KCNAB1: variants seen among roughly 807,000 people sequenced by gnomAD.
The protein encoded by KCNAB1 is potassium voltage-gated channel subfamily A regulatory beta subunit 1, also known as voltage-gated potassium channel subunit beta-1.
KCNAB1 carries 35 observed loss-of-function variants against 64.6 expected under a neutral mutation model. The ratio of observed to expected loss-of-function variants is 0.54; its 90% CI spans 0.41 to 0.72. The LOEUF (loss-of-function observed/expected upper bound fraction) is 0.72. Among genes scored for constraint, KCNAB1 ranks in the 30% least tolerant of loss-of-function variants. The pLI, the probability that KCNAB1 is intolerant of heterozygous loss-of-function variation, is 0.00. For missense variants in KCNAB1, 401 were observed against 512.9 expected, an observed-to-expected ratio of 0.78 and a Z score of 2.11; for synonymous variants, 177 against 183.8, an observed-to-expected ratio of 0.96 and a Z score of 0.30.
At chr3:156,403,715 A>G (rs1714056318) in intron 1 of KCNAB1, among the ~76,000 whole-genome samples, 1 of 152,136 alleles carries the variant, frequency 6.6e-6, no homozygotes, top group Admixed American at 6.5e-5. Flanking sequence ...CAACATGGTG[A>G]AACCCGGTCT....
chr3:156,364,738 G>A (rs144331677), intron 1 of KCNAB1, among the ~76,000 whole-genome samples: 2,805 of 151,986 alleles, frequency 0.018, 96 homozygotes, highest in African/African-American at 0.064. Flanking sequence ...AGATGGCACC[G>A]TTGCACTCCA....
intron 1 of KCNAB1, among the ~76,000 whole-genome samples, chr3:156,338,807 C>T (rs1723908491): frequency 6.6e-6 from 1 of 152,168 alleles, no homozygotes; most frequent in South Asian, 2.1e-4. Context: ...CCTCCTTGCT[C>T]ATCTCAGTGA....
At chr3:156,180,658 T>C (rs1712743634) in intron 1 of KCNAB1, among the ~76,000 whole-genome samples, 1 of 152,206 alleles carries the variant, frequency 6.6e-6, no homozygotes, top group Non-Finnish European at 1.5e-5. Context: ...ACCTACCACA[T>C]GCAAGGCTCT....
Position 156,205,668 on chromosome 3 carries a change from G to C in KCNAB1, c.275+84782G>C, listed in dbSNP as rs149882520. Among the ~76,000 whole-genome samples the C allele has an allele frequency of 9.0e-3, 1,372 of 152,244 alleles. 33 individuals carry two copies. The highest frequency in any genetic ancestry group is 0.031 in the African/African-American group (1,271 of 41,530). On this transcript the variant is annotated intron_variant, in intron 1 of 13. Transcript: ENST00000490337. ...CTACCCGCTCCTTCCTCTGCACTGAGACATAATCTCTTGCCCCCAAATTCA... is the reference window on the plus strand; with the variant it reads ...CTACCCGCTCCTTCCTCTGCACTGACACATAATCTCTTGCCCCCAAATTCA...
chr3:156,415,883 A>G (rs533009623), intron 1 of KCNAB1, among the ~76,000 whole-genome samples: 5 of 152,098 alleles, frequency 3.3e-5, no homozygotes, highest in Non-Finnish European at 7.4e-5. Context: ...TTAACCTTGG[A>G]TGTCTCATGG....
intron 4 of KCNAB1, among the ~76,000 whole-genome samples, chr3:156,458,769 G>A (rs535323619): frequency 1.2e-4 from 19 of 152,306 alleles, no homozygotes; most frequent in Non-Finnish European, 2.8e-4. Flanking sequence ...GAAGTAAGTA[G>A]CAAGTCTGTT....
intron 1 of KCNAB1, among the ~76,000 whole-genome samples, chr3:156,201,743 G>A (rs1230977392): frequency 1.3e-5 from 2 of 152,228 alleles, no homozygotes; most frequent in Admixed American, 6.5e-5. Flanking sequence ...GGGAAGGCAA[G>A]GATCCATACA....
At chr3:156,133,910 G>GC (rs1453277417) in intron 1 of KCNAB1, among the ~76,000 whole-genome samples, 3 of 145,336 alleles carry the variant, frequency 2.1e-5, no homozygotes, top group Non-Finnish European at 3.0e-5. Context: ...GTTGACTTTT[G>GC]TTTTTTTTTT....
chr3:156,137,055 G>A (rs1282728044), intron 1 of KCNAB1, among the ~76,000 whole-genome samples: 1 of 151,904 alleles, frequency 6.6e-6, no homozygotes, highest in East Asian at 1.9e-4. Context: ...TGGTTTGGGG[G>A]TACATGCAAA....
intron 1 of KCNAB1, among the ~76,000 whole-genome samples, chr3:156,208,805 A>G (rs957413633): frequency 1.3e-5 from 2 of 152,314 alleles, no homozygotes; most frequent in East Asian, 3.9e-4. Flanking sequence ...CACATGTTCT[A>G]TACACAGGGC....
At chr3:156,349,356 T>C (rs1299276482) in intron 1 of KCNAB1, among the ~76,000 whole-genome samples, 3 of 152,122 alleles carry the variant, frequency 2.0e-5, no homozygotes. Flanking sequence ...CATAAACAGT[T>C]CAGTACAACT....
At chr3:156,509,375 G>GTGCTGCTGCTGC (rs67594426) in intron 8 of KCNAB1, among the ~76,000 whole-genome samples, 10 of 150,942 alleles carry the variant, frequency 6.6e-5, no homozygotes, top group African/African-American at 2.4e-4. Context: ...AAGTTTCCAG[G>GTGCTGCTGCTGC]TGCTGCTGCT....
intron 1 of KCNAB1, among the ~76,000 whole-genome samples, chr3:156,317,385 G>A (rs1351585146): frequency 6.6e-6 from 1 of 152,044 alleles, no homozygotes; most frequent in Non-Finnish European, 1.5e-5. Context: ...CAAAAACTTG[G>A]CTTACTATAT....
intron 1 of KCNAB1, among the ~76,000 whole-genome samples, chr3:156,298,263 GC>G (rs1405172593): frequency 2.6e-5 from 4 of 152,070 alleles, no homozygotes; most frequent in African/African-American, 9.7e-5. Context: ...GTGTGTGGGG[GC>G]TGTGGGGCTG....
intron 1 of KCNAB1, among the ~76,000 whole-genome samples, chr3:156,148,722 C>T (rs1413605411): frequency 6.6e-6 from 1 of 152,224 alleles, no homozygotes; most frequent in African/African-American, 2.4e-5. Context: ...ATCACTTAGG[C>T]ATCTTTAGCA....
chr3:156,530,198 T>C (rs1718606050), intron 12 of KCNAB1, among the ~76,000 whole-genome samples: 1 of 152,206 alleles, frequency 6.6e-6, no homozygotes, highest in Admixed American at 6.5e-5. Flanking sequence ...AATGGGGTGA[T>C]GGGGGCGGTG....
intron 1 of KCNAB1, among the ~76,000 whole-genome samples, chr3:156,222,114 C>G (rs116091051): frequency 6.6e-6 from 1 of 152,072 alleles, no homozygotes; most frequent in Non-Finnish European, 1.5e-5. Context: ...TAAAATGCTC[C>G]GCTTAAAAGA....
rs530118013 is a variant in KCNAB1, at chr3:156,520,882, AT to A, written c.961-2944del. On this transcript the variant is annotated intron_variant, in intron 11 of 13. Coordinates refer to ENST00000490337, the MANE Select transcript of KCNAB1 (RefSeq NM_172160.3). The stretch of plus-strand genomic sequence containing the variant: ...ATTCTAGACAGTGTTCAGAACTGAA[AT>A]GTGACTGATTCTGTCCATGGCTCCA... 2.5e-3 allele frequency among the ~76,000 whole-genome samples: 376 copies of A among 152,312 alleles called. 1 individual carries two copies. The highest frequency in any genetic ancestry group is 0.011 in the South Asian group (52 of 4,822).
At chr3:156,273,078 C>T (rs1719126586) in intron 1 of KCNAB1, among the ~76,000 whole-genome samples, 1 of 151,640 alleles carries the variant, frequency 6.6e-6, no homozygotes, top group South Asian at 2.1e-4. Flanking sequence ...AGCTGATACC[C>T]TAGTTTTAAA....
Sources: gnomAD v4.1 joint callset for allele counts (sites outside exome capture counted in the v4.1 genomes callset) on GRCh38, gnomAD v4.1.1 for gene constraint, MANE v1.5 for transcripts, NCBI Gene and HGNC (gene_info 2026-07-23, HGNC 2026-07-21) for gene names.